Variants in CDH8 observed in about 807,000 individuals in gnomAD.
CDH8 encodes the protein cadherin 8.
In CDH8, 17 loss-of-function variants were observed where a neutral mutation model predicts 68.1. That is an observed-to-expected ratio of 0.25 (90% CI 0.17 to 0.37). CDH8 has a LOEUF of 0.37. Ranked by LOEUF, CDH8 falls within the 10% of genes least tolerant of loss-of-function variation. The pLI, the probability that CDH8 is intolerant of heterozygous loss-of-function variation, is 1.00. For synonymous variants in CDH8, 372 were observed against 365.1 expected, an observed-to-expected ratio of 1.02 and a Z score of -0.21; for missense variants, 763 against 999.3, an observed-to-expected ratio of 0.76 and a Z score of 3.19.
chr16:61,869,842 C>T (rs1963323658), intron 3 of CDH8, among the ~76,000 whole-genome samples: 1 of 152,174 alleles, frequency 6.6e-6, no homozygotes, highest in Admixed American at 6.5e-5. Flanking sequence ...TGAAGTCCTG[C>T]ACTCAATTCA....
intron 10 of CDH8, among the ~76,000 whole-genome samples, chr16:61,708,926 G>A (rs1448519239): frequency 2.6e-5 from 4 of 152,104 alleles, no homozygotes; most frequent in African/African-American, 7.2e-5. Flanking sequence ...TCCAGTCAAC[G>A]TTTGGTGCTG....
At chr16:61,983,135 T>C (rs1283516896) in intron 2 of CDH8, among the ~76,000 whole-genome samples, 1 of 152,232 alleles carries the variant, frequency 6.6e-6, no homozygotes, top group Non-Finnish European at 1.5e-5. Flanking sequence ...CATCCCTGTC[T>C]TTCACCAATA....
At chr16:62,003,821 T>A (rs1965931918) in intron 2 of CDH8, among the ~76,000 whole-genome samples, 1 of 152,248 alleles carries the variant, frequency 6.6e-6, no homozygotes, top group Non-Finnish European at 1.5e-5. Flanking sequence ...CATTTTATTC[T>A]ACTTTTTCTT....
At chr16:61,971,255 TC>T (rs1410650305) in intron 2 of CDH8, among the ~76,000 whole-genome samples, 1 of 152,100 alleles carries the variant, frequency 6.6e-6, no homozygotes, top group Admixed American at 6.6e-5. Flanking sequence ...TTTGGTGGTG[TC>T]TTCACACGGA....
At chr16:62,013,767 C>T (rs1364300247) in intron 2 of CDH8, among the ~76,000 whole-genome samples, 1 of 152,104 alleles carries the variant, frequency 6.6e-6, no homozygotes, top group Non-Finnish European at 1.5e-5. Flanking sequence ...CAGCTTCATA[C>T]TTGTAATAGG....
chr16:61,960,074 C>T (rs1376385397), intron 2 of CDH8, among the ~76,000 whole-genome samples: 2 of 134,056 alleles, frequency 1.5e-5, no homozygotes, highest in African/African-American at 2.7e-5. Context: ...TATACACATA[C>T]ATATATACAT....
At chr16:61,939,996 T>G (rs1287490649) in intron 2 of CDH8, among the ~76,000 whole-genome samples, 1 of 152,102 alleles carries the variant, frequency 6.6e-6, no homozygotes, top group African/African-American at 2.4e-5. Context: ...AACACATCTC[T>G]TCCAAACCCA....
chr16:62,031,481 C>T (rs1455058452), intron 1 of CDH8, among the ~76,000 whole-genome samples: 1 of 152,050 alleles, frequency 6.6e-6, no homozygotes, highest in African/African-American at 2.4e-5. Context: ...TTACTGAGCA[C>T]TAACTCTGTG....
intron 2 of CDH8, among the ~76,000 whole-genome samples, chr16:61,950,685 T>A (rs955163470): frequency 1.3e-5 from 2 of 152,196 alleles, no homozygotes; most frequent in Non-Finnish European, 2.9e-5. Context: ...TTTTATGTCA[T>A]TAAAACCGCA....
chr16:61,651,671 T>G lies in CDH8; in HGVS notation c.*1937A>C, dbSNP rs1197131749. 6.6e-6 allele frequency: 1 copy of G among 152,182 alleles called. No homozygotes were observed. Among genetic ancestry groups the G allele is most frequent in the Non-Finnish European group, 1.5e-5 (1 of 68,052 alleles). 9.4% of individuals were successfully genotyped at this position (152,182 alleles called of 1,614,324 possible). The stretch of plus-strand genomic sequence containing the variant: ...GTCCGCACTGCAGTCTAAGACTCTC[T>G]TGCCAAATCCTGCTCCCAATCCCTC... On this transcript the variant is annotated 3_prime_UTR_variant, in exon 12 of 12. Coordinates refer to ENST00000577390, the MANE Select transcript of CDH8 (RefSeq NM_001796.5).
At chr16:61,924,563 A>T (rs1964427143) in intron 2 of CDH8, among the ~76,000 whole-genome samples, 1 of 152,198 alleles carries the variant, frequency 6.6e-6, no homozygotes, top group African/African-American at 2.4e-5. Flanking sequence ...AGACTTCATC[A>T]GTGTGTTCTC....
At chr16:61,679,612 T>C (rs1455788255) in intron 10 of CDH8, among the ~76,000 whole-genome samples, 1 of 152,010 alleles carries the variant, frequency 6.6e-6, no homozygotes, top group Non-Finnish European at 1.5e-5. Flanking sequence ...AAATGATCAA[T>C]GTTTATTTAA....
At chr16:61,959,317 T>C (rs1188406273) in intron 2 of CDH8, among the ~76,000 whole-genome samples, 3 of 152,132 alleles carry the variant, frequency 2.0e-5, no homozygotes, top group African/African-American at 7.2e-5. Context: ...TTTAACATAC[T>C]AAATATAAAG....
At chr16:61,715,696 C>G (rs1964717945) in intron 9 of CDH8, among the ~76,000 whole-genome samples, 1 of 151,502 alleles carries the variant, frequency 6.6e-6, no homozygotes, top group African/African-American at 2.4e-5. Flanking sequence ...TTTACTGTAC[C>G]TAAACACATA....
At chr16:61,874,853 C>A (rs61322669) in intron 3 of CDH8, among the ~76,000 whole-genome samples, 3,227 of 152,170 alleles carry the variant, frequency 0.021, 119 homozygotes, top group African/African-American at 0.073. Context: ...ACTTTTGCAC[C>A]AACCTAATAG....
Position 61,960,347 on chromosome 16 carries a change from A to ATACACACATATATACG in CDH8, c.253-58875_253-58874insCGTATATATGTGTGTA, listed in dbSNP as rs1491563529. ...TGTGTGTGTATACACACATATATAC[A>ATACACACATATATACG]TGTGTGTGTGTATACACATACATAT... On this transcript the variant is annotated intron_variant, in intron 2 of 11. Coordinates refer to ENST00000577390, the MANE Select transcript of CDH8 (RefSeq NM_001796.5). 3.9e-3 allele frequency among the ~76,000 whole-genome samples: 103 copies of ATACACACATATATACG among 26,602 alleles called. 38 individuals are homozygous for ATACACACATATATACG. The highest frequency in any genetic ancestry group is 0.021 in the South Asian group (16 of 778). The allele number at this position is 26,602 out of a possible 152,430, so 17.5% of individuals were successfully genotyped here.
chr16:61,827,026 A>C (rs896985111), intron 4 of CDH8, among the ~76,000 whole-genome samples: 1 of 151,932 alleles, frequency 6.6e-6, no homozygotes, highest in Non-Finnish European at 1.5e-5. Context: ...AAATATATCA[A>C]CCATTCAGAT....
chr16:61,678,228 T>TA (rs1442354966), intron 10 of CDH8, among the ~76,000 whole-genome samples: 1 of 152,096 alleles, frequency 6.6e-6, no homozygotes, highest in Non-Finnish European at 1.5e-5. Flanking sequence ...CATGTCTCTC[T>TA]AAAATGTATA....
intron 3 of CDH8, among the ~76,000 whole-genome samples, chr16:61,860,480 C>G (rs1963130020): frequency 6.6e-6 from 1 of 152,034 alleles, no homozygotes; most frequent in Admixed American, 6.5e-5. Flanking sequence ...ACCGAAAGAA[C>G]TAACAGAGTT....
Sources: allele counts gnomAD v4.1 joint callset (sites outside exome capture counted in the v4.1 genomes callset), GRCh38; gene constraint gnomAD v4.1.1; transcripts MANE v1.5; gene names NCBI Gene and HGNC (gene_info 2026-07-23, HGNC 2026-07-21).